The following KAZN variants were observed in gnomAD, a reference collection of about 807,000 sequenced individuals.
KAZN encodes the protein kazrin, periplakin interacting protein, also known as kazrin.
Under a neutral mutation model 87.4 loss-of-function variants are expected in KAZN, and 40 were observed. The observed-to-expected ratio is 0.46, with a 90% CI of 0.36 to 0.60. The LOEUF (loss-of-function observed/expected upper bound fraction) is 0.60, where lower values mean the gene tolerates loss of function less well. Among genes scored for constraint, KAZN ranks in the 20% least tolerant of loss-of-function variants. The probability of loss-of-function intolerance (pLI) is 0.00; values close to 1 mark genes in which losing one functional copy is unlikely to be tolerated. For synonymous variants in KAZN, 466 were observed against 458.3 expected (o/e 1.02, Z -0.22); for missense variants, 898 against 1,073.9 (o/e 0.84, Z 2.29).
chr1:14,319,010 T>TTTTTTTTA (rs1553157515), intron 2 of KAZN, among the ~76,000 whole-genome samples: 2 of 136,574 alleles, frequency 1.5e-5, no homozygotes, highest in African/African-American at 5.6e-5. Flanking sequence ...GACCTTTTAT[T>TTTTTTTTA]TTTATTTATT....
intron 1 of KAZN, among the ~76,000 whole-genome samples, chr1:14,883,355 A>AAAGAAAAGAAAGAAAGAAAG (rs1449958306): frequency 2.9e-4 from 6 of 20,618 alleles, no homozygotes; most frequent in African/African-American, 6.1e-4. Context: ...AGAAAGAAAG[A>AAAGAAAAGAAAGAAAGAAAG]AAAGAAAGAA....
intron 2 of KAZN, among the ~76,000 whole-genome samples, chr1:14,420,520 G>A (rs1393496121): frequency 6.6e-6 from 1 of 152,190 alleles, no homozygotes; most frequent in Non-Finnish European, 1.5e-5. Context: ...CAGCCCTTGG[G>A]CAGTCAGTGG....
At chr1:14,737,596 A>G (rs1643946038) in intron 1 of KAZN, among the ~76,000 whole-genome samples, 1 of 152,250 alleles carries the variant, frequency 6.6e-6, no homozygotes, top group South Asian at 2.1e-4. Context: ...TCTGGAGTTC[A>G]GAAGTCTGGC....
At position 14,641,311 on chromosome 1, in the gene KAZN, C is replaced by T. The variant is rs192132899; in HGVS notation, c.226+42088C>T. Among the ~76,000 whole-genome samples, 166 of 152,194 alleles carry T rather than the reference C, an allele frequency of 1.1e-3. 2 individuals carry two copies. The highest frequency in any genetic ancestry group is 3.9e-3 in the African/African-American group (161 of 41,498). On this transcript the variant is annotated intron_variant, in intron 1 of 14. Transcript: ENST00000376030. Reference sequence around the variant, plus strand: ...TTTAGCTCCCATGGTCTACATGACACCTAGATGAGTTTCATGAGATATCCC... The same window carrying T: ...TTTAGCTCCCATGGTCTACATGACATCTAGATGAGTTTCATGAGATATCCC...
At chr1:14,210,598 G>T (rs1394640820) in intron 2 of KAZN, among the ~76,000 whole-genome samples, 1 of 152,078 alleles carries the variant, frequency 6.6e-6, no homozygotes, top group Non-Finnish European at 1.5e-5. Context: ...TAACCCCATT[G>T]CACTCTTAAA....
At chr1:14,143,787 G>A (rs1257696751) in intron 1 of KAZN, among the ~76,000 whole-genome samples, 2 of 149,646 alleles carry the variant, frequency 1.3e-5, no homozygotes, top group African/African-American at 4.9e-5. Context: ...GTGTGATCTC[G>A]GCTCACCACA....
At position 15,094,243 on chromosome 1, in the gene KAZN, T is replaced by C. The variant is rs758022986; in HGVS notation, c.1286T>C (p.Met429Thr). The C allele has an allele frequency of 1.2e-6, 2 of 1,613,930 alleles. No homozygotes were observed. The highest frequency in any genetic ancestry group is 2.2e-5 in the South Asian group (2 of 91,086). ...SLSLSEGEEQ[M>T]DRLQQVELVR... ...AGCCTGTCGGAAGGCGAGGAGCAGA[T>C]GGACCGGCTGCAGCAGGTGGAGCTG... Residue 429 changes from methionine (M) to threonine (T), a missense_variant, in exon 9 of 15, where the codon ATG (methionine) becomes ACG (threonine). Transcript: ENST00000376030. This position sits in a 1 kb window ranked among gnomAD's most constrained non-coding sequence, Gnocchi z 4.5.
rs556730436 is a variant in KAZN, at chr1:15,042,609, G to A, written c.556-1380G>A. 1.1e-4 allele frequency among the ~76,000 whole-genome samples: 17 copies of A among 152,336 alleles called. No individual in the cohort carries two copies. In the South Asian group the frequency reaches 3.5e-3, roughly 32 times the overall value. On this transcript the variant is annotated intron_variant, in intron 3 of 14. Coordinates refer to ENST00000376030, the MANE Select transcript of KAZN (RefSeq NM_201628.3). Reference sequence around the variant, plus strand: ...TATGTGGTATTATCCCCTGGTTACAGATGGGGAAACTGAGGCAGGGATGAC... The same window carrying A: ...TATGTGGTATTATCCCCTGGTTACAAATGGGGAAACTGAGGCAGGGATGAC...
intron 1 of KAZN, among the ~76,000 whole-genome samples, chr1:14,858,831 T>C (rs1650481612): frequency 6.6e-6 from 1 of 152,200 alleles, no homozygotes; most frequent in Admixed American, 6.5e-5. Context: ...CCAGTGAATA[T>C]GCTGTAGAGA....
intron 2 of KAZN, among the ~76,000 whole-genome samples, chr1:14,255,948 T>C (rs1650478094): frequency 6.6e-6 from 1 of 152,164 alleles, no homozygotes; most frequent in South Asian, 2.1e-4. Flanking sequence ...AAGAAAATGG[T>C]TAGAACTGAG....
chr1:14,359,550 G>A (rs973737745), intron 2 of KAZN, among the ~76,000 whole-genome samples: 5 of 152,256 alleles, frequency 3.3e-5, no homozygotes, highest in African/African-American at 1.2e-4. Flanking sequence ...TTACAATTTG[G>A]CACGTTTTTG....
intron 2 of KAZN, among the ~76,000 whole-genome samples, chr1:14,497,521 C>T (rs1178252026): frequency 5.3e-5 from 8 of 152,106 alleles, no homozygotes; most frequent in Non-Finnish European, 8.8e-5. Context: ...AGGAGGTTTT[C>T]AACTTCAGGA....
intron 8 of KAZN, among the ~76,000 whole-genome samples, chr1:15,092,514 C>G (rs1640601246): frequency 6.6e-6 from 1 of 152,060 alleles, no homozygotes; most frequent in Non-Finnish European, 1.5e-5. Flanking sequence ...GTCTGTCACC[C>G]AGGCTGGAGT....
intron 3 of KAZN, among the ~76,000 whole-genome samples, chr1:15,036,017 G>A (rs974610724): frequency 5.9e-5 from 9 of 152,140 alleles, no homozygotes; most frequent in African/African-American, 2.2e-4. Flanking sequence ...CTAGATGCTT[G>A]GTCCCCCCTA....
intron 2 of KAZN, among the ~76,000 whole-genome samples, chr1:14,218,307 G>T (rs1187456717): frequency 2.0e-5 from 3 of 152,142 alleles, no homozygotes; most frequent in Non-Finnish European, 4.4e-5. Context: ...CATATACATT[G>T]TGAGTTCATA....
chr1:14,764,369 C>T (rs1010312589), intron 1 of KAZN, among the ~76,000 whole-genome samples: 4 of 127,620 alleles, frequency 3.1e-5, no homozygotes, highest in African/African-American at 8.6e-5. Flanking sequence ...CAAACCACTC[C>T]CGACCCCCTC....
intron 2 of KAZN, among the ~76,000 whole-genome samples, chr1:14,995,791 G>A (rs1251474656): frequency 6.6e-6 from 1 of 152,140 alleles, no homozygotes; most frequent in East Asian, 1.9e-4. Flanking sequence ...GTGCCTTTGG[G>A]TGCCTCGCCT....
In KAZN at chr1:14,504,938, TAGA is replaced by T. The variant is rs1670470877; in HGVS notation, c.250-94042_250-94040del. Among the ~76,000 whole-genome samples, 2 of 152,146 alleles carry T rather than the reference TAGA, an allele frequency of 1.3e-5. 1 individual carries two copies. The highest frequency in any genetic ancestry group is 4.2e-4 in the South Asian group (2 of 4,818). On this transcript the variant is annotated intron_variant, in intron 2 of 16. Coordinates refer to the KAZN transcript ENST00000636203. ...AGCATAGACAGAATGGAGACCTGAT[TAGA>T]AGGTTACAGGGTGTCCCTGGAAACC...
rs1334938688 is a variant in KAZN at position 14,136,092 on chromosome 1, T to C, written c.92-44343T>C. ...ACCCTGGGGAAGAGGAGGGTCTTTG[T>C]GGAAAACCCATCAAGGCCTCAGAGA... is the stretch of plus-strand genomic sequence containing the variant. On this transcript the variant is annotated intron_variant, in intron 1 of 16. Transcript: ENST00000636203. Among the ~76,000 whole-genome samples, 5 of 152,024 alleles carry C rather than the reference T, an allele frequency of 3.3e-5. No individual in the cohort carries two copies. The East Asian group carries it at 9.7e-4, about 29-fold the overall frequency.
Sources: gnomAD v4.1 joint callset for allele counts (sites outside exome capture counted in the v4.1 genomes callset) on GRCh38, gnomAD v4.1.1 for gene constraint, Gnocchi (gnomAD v3.1) non-coding constraint, MANE v1.5 for transcripts, NCBI Gene and HGNC (gene_info 2026-07-23, HGNC 2026-07-21) for gene names.